LRRK1: variants seen among roughly 807,000 people sequenced by gnomAD.
LRRK1 encodes the protein leucine rich repeat kinase 1.
Under a neutral mutation model 209.1 loss-of-function variants are expected in LRRK1, and 113 were observed. The observed-to-expected ratio is 0.54, with a 90% CI of 0.46 to 0.63. LRRK1 has a LOEUF of 0.63. Ranked by LOEUF, LRRK1 falls within the 30% of genes least tolerant of loss-of-function variation. The probability of loss-of-function intolerance (pLI) is 0.00; values close to 1 mark genes in which losing one functional copy is unlikely to be tolerated. For synonymous variants in LRRK1, 1,144 were observed against 1,099.7 expected, an observed-to-expected ratio of 1.04 and a Z score of -0.80; for missense variants, 2,284 against 2,632.2, an observed-to-expected ratio of 0.87 and a Z score of 2.89.
chr15:100,978,089 TTAA>T (rs1254473871), intron 3 of LRRK1, among the ~76,000 whole-genome samples: 3 of 148,758 alleles, frequency 2.0e-5, no homozygotes, highest in Non-Finnish European at 4.5e-5. Context: ...AATTTTAAAA[TTAA>T]AAAAAAACTC....
Position 101,071,820 on chromosome 15 carries a change from A to C in LRRK1, c.*2972A>C, listed in dbSNP as rs2036816167. On this transcript the variant is annotated 3_prime_UTR_variant, in exon 34 of 34. Coordinates refer to ENST00000388948, the MANE Select transcript of LRRK1 (RefSeq NM_024652.6). ...GCTTGGCCTAGGAACGTTACATTTGACTGAGGCTGGCGAGGCCTGCAGCCT... is the reference window on the plus strand; with the variant it reads ...GCTTGGCCTAGGAACGTTACATTTGCCTGAGGCTGGCGAGGCCTGCAGCCT... 1 of 152,194 alleles carries C rather than the reference A, an allele frequency of 6.6e-6. No homozygotes were observed. Among genetic ancestry groups the C allele is most frequent in the African/African-American group, 2.4e-5 (1 of 41,434 alleles). The allele number at this position is 152,194 out of a possible 1,614,324, so 9.4% of individuals were successfully genotyped here. A position where few individuals can be genotyped will look rare whatever the true frequency, so the allele number is the denominator to read the frequency against.
chr15:101,026,166 C>A, intron 17 of LRRK1, 29 bp downstream of exon 17: 1 of 1,606,682 alleles, frequency 6.2e-7, no homozygotes, highest in Non-Finnish European at 8.5e-7. Context: ...GCAGCTCCTG[C>A]CTTCTTGTGG....
At chr15:101,006,258 A>C (rs1331360372) in intron 6 of LRRK1, among the ~76,000 whole-genome samples, 4 of 152,120 alleles carry the variant, frequency 2.6e-5, no homozygotes, top group African/African-American at 9.7e-5. Flanking sequence ...TTTAGGAAAA[A>C]CTTGAGTAAA....
chr15:100,997,061 G>T (rs1342301564), intron 6 of LRRK1, among the ~76,000 whole-genome samples: 1 of 148,610 alleles, frequency 6.7e-6, no homozygotes, highest in East Asian at 2.0e-4. Context: ...CATATCTATA[G>T]ATATGATTAT....
At chr15:100,923,480 C>T (rs901543356) in intron 1 of LRRK1, among the ~76,000 whole-genome samples, 2 of 152,234 alleles carry the variant, frequency 1.3e-5, no homozygotes, top group Non-Finnish European at 2.9e-5. Flanking sequence ...CTAATTACCT[C>T]GTACTTCATC....
At chr15:101,019,876 G>T (rs574217130) in intron 12 of LRRK1, among the ~76,000 whole-genome samples, 1 of 152,178 alleles carries the variant, frequency 6.6e-6, no homozygotes, top group Non-Finnish European at 1.5e-5. Context: ...ATCAGTGTGC[G>T]TTTCCAAGCT....
intron 2 of LRRK1, 50 bp downstream of exon 2, chr15:100,924,779 C>T (rs1232375348): frequency 9.4e-6 from 13 of 1,389,288 alleles, no homozygotes; most frequent in African/African-American, 2.9e-5. Flanking sequence ...CTGCCATGCT[C>T]ATCCTGCAGG....
chr15:101,003,213 A>G (rs1413118073), intron 6 of LRRK1, among the ~76,000 whole-genome samples: 6 of 152,186 alleles, frequency 3.9e-5, no homozygotes, highest in Non-Finnish European at 8.8e-5. Flanking sequence ...CCCAGAAACC[A>G]TTTCCAAGCA....
chr15:100,957,159 T>A (rs1284836823), intron 2 of LRRK1, among the ~76,000 whole-genome samples: 1 of 152,250 alleles, frequency 6.6e-6, no homozygotes, highest in African/African-American at 2.4e-5. Flanking sequence ...GAAAAGAAAC[T>A]TGATAATATT....
chr15:100,965,084 C>T (rs961045900), intron 2 of LRRK1, among the ~76,000 whole-genome samples: 2 of 152,118 alleles, frequency 1.3e-5, no homozygotes, highest in East Asian at 1.9e-4. Context: ...AGCTGCCTGC[C>T]GTCAGAGACA....
intron 23 of LRRK1, 76 bp from the exon 24 acceptor site, chr15:101,051,635 G>C: frequency 6.6e-7 from 1 of 1,524,990 alleles, no homozygotes; most frequent in Non-Finnish European, 8.8e-7. Flanking sequence ...TCAGGGCCTG[G>C]GGTGCAGAGT....
intron 6 of LRRK1, among the ~76,000 whole-genome samples, chr15:101,006,594 T>C (rs892570499): frequency 1.3e-5 from 2 of 151,878 alleles, no homozygotes; most frequent in African/African-American, 4.9e-5. Flanking sequence ...CGTATTGATG[T>C]TACACTTACT....
chr15:100,924,694 CTG>C lies in LRRK1; in HGVS notation c.68_69del (p.Cys23SerfsTer9). ...TGGTGTGTGGGGCCGGAGGAGTCAG[CTG>C]TGTGTCCAGAACGTGCCATGGAGAC... On this transcript the variant is annotated frameshift_variant, in exon 2 of 34. Coordinates refer to ENST00000388948, the MANE Select transcript of LRRK1 (RefSeq NM_024652.6). LOFTEE classifies it high-confidence loss of function. 1 of 1,614,150 alleles carries C rather than the reference CTG, an allele frequency of 6.2e-7. No homozygotes were observed. Among genetic ancestry groups the C allele is most frequent in the Non-Finnish European group, 8.5e-7 (1 of 1,180,024 alleles).
chr15:101,027,739 G>A lies in LRRK1; in HGVS notation c.2628G>A (p.Glu876=). The A allele has an allele frequency of 1.2e-6, 2 of 1,608,870 alleles. No individual in the cohort carries two copies. The highest frequency in any genetic ancestry group is 1.1e-5 in the South Asian group (1 of 89,926). ...AGTACCTGACGGACAGGCAGCTGGA[G>A]CAGCTGGTGGAGCAGACGCCCGACA... ...DVQYLTDRQL[E]QLVEQTPDND... Residue 876 remains glutamate, a synonymous_variant, in exon 19 of 34, where the codon GAG becomes GAA. Transcript: ENST00000388948. The surrounding 1 kb of genome is among the most constrained non-coding windows in gnomAD (Gnocchi z 5.1).
intron 23 of LRRK1, among the ~76,000 whole-genome samples, chr15:101,051,421 C>T (rs2035427173): frequency 6.6e-6 from 1 of 152,098 alleles, no homozygotes; most frequent in Non-Finnish European, 1.5e-5. Context: ...CAGGAGGGAT[C>T]CCCCCACTCC....
In LRRK1 at chr15:101,024,869, T is replaced by G; in HGVS notation, c.2134T>G (p.Cys712Gly). Residue 712 changes from cysteine to glycine, a missense_variant, in exon 16 of 34, where the codon TGC (cysteine) becomes GGC (glycine). By Grantham distance (159) the Cys-to-Gly change is radical. Coordinates refer to ENST00000388948, the MANE Select transcript of LRRK1 (RefSeq NM_024652.6). This position sits in a 1 kb window ranked among gnomAD's most constrained non-coding sequence, Gnocchi z 4.6. ...GGCCAGCATGGCCACTGTCAACCAG[T>G]GCTTCTTCACGGACAAGGCCCTGTA... ...GPASMATVNQCFFTDKALYVV... is the reference protein window; with the variant it reads ...GPASMATVNQGFFTDKALYVV... 6.2e-7 allele frequency: 1 copy of G among 1,614,158 alleles called. No homozygotes were observed.
intron 2 of LRRK1, among the ~76,000 whole-genome samples, chr15:100,962,578 GA>G (rs1341354657): frequency 6.6e-6 from 1 of 151,410 alleles, no homozygotes; most frequent in Non-Finnish European, 1.5e-5. Flanking sequence ...TTCATCTGCT[GA>G]AGGGGACGGC....
chr15:100,935,849 G>A (rs1017811684), intron 2 of LRRK1, among the ~76,000 whole-genome samples: 54 of 152,160 alleles, frequency 3.5e-4, no homozygotes, highest in African/African-American at 1.3e-3. Flanking sequence ...TGGCCCCTCC[G>A]TGCTCCTCCA....
intron 6 of LRRK1, among the ~76,000 whole-genome samples, chr15:100,999,761 T>C (rs979424401): frequency 6.6e-6 from 1 of 152,262 alleles, no homozygotes; most frequent in African/African-American, 2.4e-5. Flanking sequence ...TCTGATCGTG[T>C]CACTGATGAT....
Sources: gnomAD v4.1 joint callset for allele counts (sites outside exome capture counted in the v4.1 genomes callset) on GRCh38, gnomAD v4.1.1 for gene constraint, Gnocchi (gnomAD v3.1) non-coding constraint, MANE v1.5 for transcripts, NCBI Gene and HGNC (gene_info 2026-07-23, HGNC 2026-07-21) for gene names.